PPP6R3: variants seen among roughly 807,000 people sequenced by gnomAD.
PPP6R3 encodes protein phosphatase 6 regulatory subunit 3, also known as serine/threonine-protein phosphatase 6 regulatory subunit 3.
In PPP6R3, 38 loss-of-function variants were observed where a neutral mutation model predicts 110.7. The observed-to-expected ratio is 0.34, with a 90% CI of 0.26 to 0.45. PPP6R3 has a LOEUF of 0.45. Ranked by LOEUF, PPP6R3 falls within the 20% of genes least tolerant of loss-of-function variation. The probability of loss-of-function intolerance (pLI) is 1.00; values close to 1 mark genes in which losing one functional copy is unlikely to be tolerated. For missense variants in PPP6R3, 870 were observed against 1,062.4 expected, an observed-to-expected ratio of 0.82 and a Z score of 2.52; for synonymous variants, 369 against 373.5, an observed-to-expected ratio of 0.99 and a Z score of 0.14.
rs980284311 is a variant in PPP6R3 at position 68,597,287 on chromosome 11, G to A, written c.2038+1069G>A. ...AGGTGGGTATGAGGCTGAAGGACCC[G>A]TAGGGATTTGCCCGTGCGAGAGAGA... On this transcript the variant is annotated intron_variant, in intron 19 of 23. Coordinates refer to ENST00000393800, the MANE Select transcript of PPP6R3 (RefSeq NM_001164161.2). Among the ~76,000 whole-genome samples the A allele has an allele frequency of 7.9e-5, 12 of 152,180 alleles. No individual in the cohort carries two copies. In the East Asian group the frequency reaches 9.7e-4, roughly 12 times the overall value.
chr11:68,561,270 T>C (rs2099418685), intron 8 of PPP6R3, among the ~76,000 whole-genome samples: 1 of 152,210 alleles, frequency 6.6e-6, no homozygotes, highest in African/African-American at 2.4e-5. Context: ...GGCATTTTTT[T>C]CCACCTTTTT....
intron 1 of PPP6R3, among the ~76,000 whole-genome samples, chr11:68,477,741 A>AAATATATCTATATATATATAT: frequency 1.7e-5 from 1 of 57,894 alleles, no homozygotes; most frequent in Non-Finnish European, 3.3e-5. Context: ...AAAAAAAAAA[A>AAATATATCTATATATATATAT]ATATATATAT....
intron 23 of PPP6R3, among the ~76,000 whole-genome samples, chr11:68,612,568 G>A (rs1944064281): frequency 6.6e-6 from 1 of 150,834 alleles, no homozygotes; most frequent in Non-Finnish European, 1.5e-5. Context: ...TCTTCAAGTG[G>A]ACACCTTTTT....
chr11:68,547,928 C>G (rs957519019), intron 4 of PPP6R3, 139 bp from the exon 5 acceptor site: 8 of 847,464 alleles, frequency 9.4e-6, no homozygotes, highest in Non-Finnish European at 1.4e-5. Flanking sequence ...AATTTGATAC[C>G]TTGTTGCTAA....
chr11:68,554,087 A>C, intron 6 of PPP6R3, 58 bp from the exon 7 acceptor site: 1 of 1,288,740 alleles, frequency 7.8e-7, no homozygotes, highest in Non-Finnish European at 1.1e-6. Context: ...TTCATTTTTA[A>C]ATTATAAATT....
intron 12 of PPP6R3, among the ~76,000 whole-genome samples, chr11:68,573,753 A>T (rs1370331875): frequency 6.6e-6 from 1 of 152,220 alleles, no homozygotes; most frequent in Non-Finnish European, 1.5e-5. Context: ...TTTCATTAAA[A>T]AGATGTAAAA....
At chr11:68,514,449 C>T (rs184736668) in intron 1 of PPP6R3, among the ~76,000 whole-genome samples, 54 of 152,132 alleles carry the variant, frequency 3.5e-4, no homozygotes, top group Non-Finnish European at 6.3e-4. Flanking sequence ...TGTTAGTCTA[C>T]CCATGTGACT....
intron 1 of PPP6R3, among the ~76,000 whole-genome samples, chr11:68,488,311 G>A (rs1200646713): frequency 6.6e-6 from 1 of 151,892 alleles, no homozygotes; most frequent in Non-Finnish European, 1.5e-5. Flanking sequence ...TAACCTCCAA[G>A]TGTGTGCCAC....
chr11:68,610,637 C>CT lies in PPP6R3; in HGVS notation c.2570+615dup, dbSNP rs1175609194. On this transcript the variant is annotated intron_variant, in intron 23 of 23. Coordinates refer to ENST00000393800, the MANE Select transcript of PPP6R3 (RefSeq NM_001164161.2). ...CAGTGGTCTGAAGGGATGGGCCAGT[C>CT]TAAGTCTCAGCCACCCGGAGCCCAT... 7.9e-5 allele frequency among the ~76,000 whole-genome samples: 12 copies of CT among 152,278 alleles called. No individual in the cohort carries two copies. In the East Asian group the frequency reaches 2.3e-3, roughly 29 times the overall value.
rs1046717512 is a variant in PPP6R3 at position 68,496,511 on chromosome 11, C to T, written c.-157-22990C>T. On this transcript the variant is annotated intron_variant, in intron 1 of 23. Coordinates refer to ENST00000393800, the MANE Select transcript of PPP6R3 (RefSeq NM_001164161.2). ...TTTTTTGGAGACAGTCTTACTCTGTCACCCAGGCTGGAGTGCAGTAGTGCA... is the reference window on the plus strand; with the variant it reads ...TTTTTTGGAGACAGTCTTACTCTGTTACCCAGGCTGGAGTGCAGTAGTGCA... Among the ~76,000 whole-genome samples the T allele has an allele frequency of 9.2e-4, 139 of 151,480 alleles. 3 individuals carry two copies. The highest frequency in any genetic ancestry group is 2.5e-4 in the Non-Finnish European group (17 of 67,840).
intron 1 of PPP6R3, among the ~76,000 whole-genome samples, chr11:68,465,944 G>A (rs1591469737): frequency 6.6e-6 from 1 of 152,314 alleles, no homozygotes; most frequent in East Asian, 1.9e-4. Context: ...TTAAAAAGCA[G>A]TGCCATTCTT....
chr11:68,588,427 A>G (rs976562275), intron 16 of PPP6R3, among the ~76,000 whole-genome samples: 4 of 151,732 alleles, frequency 2.6e-5, no homozygotes, highest in Non-Finnish European at 5.9e-5. Flanking sequence ...GAGATGTGCT[A>G]TTGTACTCCT....
In PPP6R3 at chr11:68,569,810, A is replaced by G; in HGVS notation, c.1191A>G (p.Ala397=). Residue 397 remains alanine (A), a synonymous_variant, in exon 11 of 24, where the codon GCA becomes GCG. Transcript: ENST00000393800. The part of the protein sequence containing the change: ...FLHTQVEICI[A]LILASPFENT... ...ATACACAAGTGGAAATTTGTATTGC[A>G]CTGATTCTTGCAAGTCCTTTTGAAA... 1 of 1,611,376 alleles carries G rather than the reference A, an allele frequency of 6.2e-7. No homozygotes were observed. Among genetic ancestry groups the G allele is most frequent in the Non-Finnish European group, 8.5e-7 (1 of 1,177,932 alleles).
rs1411853508 is a variant in PPP6R3 at position 68,552,602 on chromosome 11, C to T, written c.618+1416C>T. Among the ~76,000 whole-genome samples, 3 of 152,294 alleles carry T rather than the reference C, an allele frequency of 2.0e-5. No homozygotes were observed. The East Asian group carries it at 5.8e-4, about 29-fold the overall frequency. On this transcript the variant is annotated intron_variant, in intron 6 of 23. Transcript: ENST00000393800. ...CTCTCAACCTAGCTGGGGTGATAAG[C>T]CCTCCTCCTGTGGGCAGGGGAGTGT...
intron 1 of PPP6R3, among the ~76,000 whole-genome samples, chr11:68,464,883 C>CT (rs35642999): frequency 0.021 from 2,996 of 140,034 alleles, 52 homozygotes; most frequent in Middle Eastern, 0.035. Context: ...CCAGCTTCAA[C>CT]TTTTTTTTTT....
chr11:68,608,313 A>G (rs1941469428), intron 22 of PPP6R3, among the ~76,000 whole-genome samples: 1 of 152,260 alleles, frequency 6.6e-6, no homozygotes. Context: ...ACAAACAAAC[A>G]AACAAAAATG....
At chr11:68,532,627 A>G (rs1013821193) in intron 2 of PPP6R3, among the ~76,000 whole-genome samples, 1 of 152,218 alleles carries the variant, frequency 6.6e-6, no homozygotes, top group Non-Finnish European at 1.5e-5. Context: ...AATTCCCGTC[A>G]CCTAATGACT....
chr11:68,514,504 T>C (rs543669983), intron 1 of PPP6R3, among the ~76,000 whole-genome samples: 29 of 152,380 alleles, frequency 1.9e-4, no homozygotes, highest in African/African-American at 5.8e-4. Flanking sequence ...TGCAAAAATA[T>C]GCATGTGATT....
chr11:68,532,701 T>G (rs1038297376), intron 2 of PPP6R3, among the ~76,000 whole-genome samples: 121 of 152,210 alleles, frequency 7.9e-4, no homozygotes, highest in Non-Finnish European at 1.5e-3. Context: ...GGGGATTCTT[T>G]AAGGTGATTT....
Sources: gnomAD v4.1 joint callset for allele counts (sites outside exome capture counted in the v4.1 genomes callset) on GRCh38, gnomAD v4.1.1 for gene constraint, MANE v1.5 for transcripts, NCBI Gene and HGNC (gene_info 2026-07-23, HGNC 2026-07-21) for gene names.